Variants in COLEC10 observed in about 807,000 individuals in gnomAD.
COLEC10 encodes the protein collectin-10.
COLEC10 carries 22 observed loss-of-function variants against 28.4 expected under a neutral mutation model. The ratio of observed to expected loss-of-function variants is 0.78; its 90% CI spans 0.55 to 1.11. The LOEUF is 1.11. Ranked by LOEUF, COLEC10 falls within the 50% of genes least tolerant of loss-of-function variation. COLEC10 has a pLI of 0.00. For synonymous variants in COLEC10, 125 were observed against 116.1 expected (o/e 1.08, Z -0.49); for missense variants, 361 against 344.1 (o/e 1.05, Z -0.39).
chr8:119,018,339 T>C (rs1814030401), intron 2 of COLEC10, among the ~76,000 whole-genome samples: 1 of 152,232 alleles, frequency 6.6e-6, no homozygotes, highest in Non-Finnish European at 1.5e-5. Flanking sequence ...TTTACTTTGA[T>C]GGTTTCTCAA....
intron 1 of COLEC10, among the ~76,000 whole-genome samples, chr8:119,009,039 C>T (rs961797681): frequency 4.6e-5 from 7 of 151,038 alleles, no homozygotes; most frequent in Admixed American, 3.3e-4. Flanking sequence ...CTCTGTTAGG[C>T]GGGCAGTGCC....
chr8:119,017,075 T>C (rs1305497170), intron 2 of COLEC10, among the ~76,000 whole-genome samples: 1 of 152,198 alleles, frequency 6.6e-6, no homozygotes, highest in Non-Finnish European at 1.5e-5. Context: ...ATTGTGGTTT[T>C]GATTTGCACT....
chr8:119,053,948 G>A (rs1814722230), intron 2 of COLEC10, among the ~76,000 whole-genome samples: 1 of 151,930 alleles, frequency 6.6e-6, no homozygotes, highest in South Asian at 2.1e-4. Context: ...GGCACAGTAA[G>A]AGCTTAACAG....
the COLEC10 span, among the ~76,000 whole-genome samples, chr8:118,984,947 C>T: frequency 8.5e-5 from 13 of 152,160 alleles, no homozygotes; most frequent in Non-Finnish European, 1.2e-4. Context: ...CATCATATCT[C>T]GTGAGACCCA....
the COLEC10 span, among the ~76,000 whole-genome samples, chr8:118,952,713 G>T: frequency 2.0e-5 from 3 of 152,142 alleles, no homozygotes; most frequent in African/African-American, 7.2e-5. Flanking sequence ...AAGGGCTATT[G>T]GTATCGGAGC....
the COLEC10 span, among the ~76,000 whole-genome samples, chr8:118,968,005 GA>G: frequency 6.6e-6 from 1 of 152,050 alleles, no homozygotes; most frequent in East Asian, 1.9e-4. Context: ...AAGAGGACAT[GA>G]CAAGAAAATG....
At chr8:119,001,475 G>A (rs1224621275) in intron 1 of COLEC10, among the ~76,000 whole-genome samples, 1 of 152,154 alleles carries the variant, frequency 6.6e-6, no homozygotes, top group Non-Finnish European at 1.5e-5. Flanking sequence ...CACATGGGGA[G>A]GGGAGCCAGT....
At chr8:119,088,260 A>G (rs1015172904) in intron 1 of COLEC10, among the ~76,000 whole-genome samples, 1 of 152,074 alleles carries the variant, frequency 6.6e-6, no homozygotes, top group African/African-American at 2.4e-5. Flanking sequence ...AGAAAGAAGA[A>G]GAAAAAAATT....
intron 1 of COLEC10, among the ~76,000 whole-genome samples, chr8:119,075,803 A>G (rs1175167153): frequency 6.6e-6 from 1 of 151,796 alleles, no homozygotes; most frequent in Non-Finnish European, 1.5e-5. Flanking sequence ...AACTATGAAG[A>G]GAGGACCCTA....
chr8:118,995,676 C>T (rs1200696085), intron 1 of COLEC10: 1 of 151,868 alleles, frequency 6.6e-6, no homozygotes, highest in African/African-American at 2.4e-5. Flanking sequence ...TATAGCCCAC[C>T]CCTTCAAAAA....
At chr8:118,969,697 T>C in the COLEC10 span, among the ~76,000 whole-genome samples, 52 of 151,680 alleles carry the variant, frequency 3.4e-4, no homozygotes, top group Middle Eastern at 3.4e-3. Flanking sequence ...TTCTTTCTTT[T>C]TTTTTTTTTT....
At chr8:119,037,265 A>T (rs933824684) in intron 2 of COLEC10, among the ~76,000 whole-genome samples, 1 of 152,206 alleles carries the variant, frequency 6.6e-6, no homozygotes, top group Non-Finnish European at 1.5e-5. Flanking sequence ...AAGCTGTCTG[A>T]TATGAAGGAC....
At chr8:119,078,356 A>G (rs901273378) in intron 1 of COLEC10, among the ~76,000 whole-genome samples, 2 of 152,160 alleles carry the variant, frequency 1.3e-5, no homozygotes, top group Admixed American at 6.6e-5. Flanking sequence ...TTTGAGTAGA[A>G]CAACATTAGA....
chr8:119,100,874 C>T (rs755543760), intron 3 of COLEC10, among the ~76,000 whole-genome samples: 6 of 152,150 alleles, frequency 3.9e-5, no homozygotes, highest in Non-Finnish European at 7.4e-5. Flanking sequence ...GTTTGGGGAG[C>T]ACGTGAATGA....
the COLEC10 span, among the ~76,000 whole-genome samples, chr8:118,965,550 G>A: frequency 1.3e-5 from 2 of 151,888 alleles, no homozygotes; most frequent in African/African-American, 4.8e-5. Context: ...ACACACCTAT[G>A]CTGTAAATGC....
the COLEC10 span, among the ~76,000 whole-genome samples, chr8:118,988,505 A>T: frequency 6.6e-6 from 1 of 152,128 alleles, no homozygotes; most frequent in African/African-American, 2.4e-5. Context: ...GCTTCAAGGA[A>T]ATAGACTGGG....
intron 2 of COLEC10, among the ~76,000 whole-genome samples, chr8:119,036,850 A>G (rs572331629): frequency 6.6e-5 from 10 of 152,188 alleles, no homozygotes; most frequent in Non-Finnish European, 1.2e-4. Context: ...TCAAGCTATA[A>G]TGGAGAGAGG....
intron 2 of COLEC10, among the ~76,000 whole-genome samples, chr8:119,043,618 C>T (rs1338084409): frequency 6.6e-6 from 1 of 152,204 alleles, no homozygotes. Context: ...TTAAAGTTAA[C>T]ATCACCAACA....
At chr8:119,017,575 A>G (rs1399310407) in intron 2 of COLEC10, among the ~76,000 whole-genome samples, 2 of 152,174 alleles carry the variant, frequency 1.3e-5, no homozygotes, top group Admixed American at 6.6e-5. Context: ...GGAACACAGC[A>G]TACTGACTAA....
Sources: gnomAD v4.1 joint callset for allele counts (sites outside exome capture counted in the v4.1 genomes callset) on GRCh38, gnomAD v4.1.1 for gene constraint, MANE v1.5 for transcripts, NCBI Gene and HGNC (gene_info 2026-07-23, HGNC 2026-07-21) for gene names.